Variants in SFI1 observed in about 807,000 individuals in gnomAD.
SFI1 encodes SFI1 centrin binding protein, also known as protein SFI1 homolog.
Under a neutral mutation model 207.5 loss-of-function variants are expected in SFI1, and 195 were observed. The observed-to-expected ratio is 0.94, with a 90% CI of 0.84 to 1.06. The LOEUF (loss-of-function observed/expected upper bound fraction) is 1.06. Among genes scored for constraint, SFI1 ranks in the 50% least tolerant of loss-of-function variants. The probability of loss-of-function intolerance (pLI) is 0.00; values close to 1 mark genes in which losing one functional copy is unlikely to be tolerated. For synonymous variants in SFI1, 630 were observed against 598.9 expected (o/e 1.05, Z -0.76); for missense variants, 1,634 against 1,588.0 (o/e 1.03, Z -0.49).
intron 26 of SFI1, 21 bp from the exon 27 acceptor site, chr22:31,613,581 T>G (rs773414671): frequency 1.5e-5 from 23 of 1,577,520 alleles, no homozygotes; most frequent in Non-Finnish European, 1.9e-5. Context: ...TGGCATGAGC[T>G]GACCAGAGGC....
In SFI1 at chr22:31,563,567, TC is replaced by T. The variant is rs2061948812; in HGVS notation, c.765+2179del. Among the ~76,000 whole-genome samples, 3 of 144,130 alleles carry T rather than the reference TC, an allele frequency of 2.1e-5. No homozygotes were observed. The South Asian group carries it at 7.0e-4, about 33-fold the overall frequency. 94.6% of individuals were successfully genotyped at this position (144,130 alleles called of 152,430 possible). A position where few individuals can be genotyped will look rare whatever the true frequency, so the allele number is the denominator to read the frequency against. ...CTGTTGCTCAGAACATGTTTAGAAT[TC>T]CCCTTTTCTTGTTTGTTGTTGTTTG... On this transcript the variant is annotated intron_variant, in intron 8 of 32. Transcript: ENST00000400288.
chr22:31,513,550 C>T (rs1174837603), intron 2 of SFI1, among the ~76,000 whole-genome samples: 1 of 78,544 alleles, frequency 1.3e-5, no homozygotes, highest in Non-Finnish European at 2.7e-5. Context: ...AATCCCAGCA[C>T]TTTGGTTTTT....
intron 15 of SFI1, among the ~76,000 whole-genome samples, chr22:31,595,288 G>A (rs895789400): frequency 6.6e-6 from 1 of 152,182 alleles, no homozygotes; most frequent in African/African-American, 2.4e-5. Context: ...GAGCCACCAC[G>A]CCCAGCCTGT....
intron 6 of SFI1, among the ~76,000 whole-genome samples, chr22:31,556,324 C>A (rs1037245665): frequency 6.6e-6 from 1 of 151,486 alleles, no homozygotes; most frequent in African/African-American, 2.4e-5. Context: ...CCAGGTTTAG[C>A]AATTCTCCTG....
In SFI1 at chr22:31,602,222, G is replaced by GA; in HGVS notation, c.1556dup (p.Lys520GlufsTer35). ...TTCCTTGTTTTTTAGGGAGACATTA[G>GA]AGAAGCAAGTATTTTCTCTCTGGAG... On this transcript the variant is annotated frameshift_variant, in exon 16 of 33. Transcript: ENST00000400288. LOFTEE classifies it high-confidence loss of function. 1.2e-6 allele frequency: 2 copies of GA among 1,613,994 alleles called. No homozygotes were observed. Among genetic ancestry groups the GA allele is most frequent in the Non-Finnish European group, 1.7e-6 (2 of 1,179,854 alleles).
At chr22:31,531,873 A>G (rs139497810) in intron 4 of SFI1, among the ~76,000 whole-genome samples, 1,717 of 150,156 alleles carry the variant, frequency 0.011, 9 homozygotes, top group Middle Eastern at 0.031. Context: ...AGCCTCGGCA[A>G]CAAGAGCGAA....
chr22:31,522,677 G>A (rs2057417004), intron 2 of SFI1, among the ~76,000 whole-genome samples: 1 of 151,762 alleles, frequency 6.6e-6, no homozygotes, highest in Non-Finnish European at 1.5e-5. Context: ...TTTCTTTTGA[G>A]ATGGAGTCTC....
Position 31,573,112 on chromosome 22 carries a change from GT to G in SFI1, c.822del (p.Val275SerfsTer4). 1 of 1,613,924 alleles carries G rather than the reference GT, an allele frequency of 6.2e-7. No individual in the cohort carries two copies. Among genetic ancestry groups the G allele is most frequent in the Non-Finnish European group, 8.5e-7 (1 of 1,179,978 alleles). ...LLYVQKEKQK[V>X]VSAVKHHQHW... ...GTATGTCCAGAAGGAGAAACAAAAGGTTGTCTCTGCAGTGAAACATCATCAG... is the reference window on the plus strand; with the variant it reads ...GTATGTCCAGAAGGAGAAACAAAAGGTGTCTCTGCAGTGAAACATCATCAG... On this transcript the variant is annotated frameshift_variant, in exon 9 of 33. Coordinates refer to ENST00000400288, the MANE Select transcript of SFI1 (RefSeq NM_001007467.3). LOFTEE classifies it high-confidence loss of function.
chr22:31,540,226 T>A (rs1042493652), intron 4 of SFI1, among the ~76,000 whole-genome samples: 7 of 151,188 alleles, frequency 4.6e-5, no homozygotes, highest in Non-Finnish European at 7.4e-5. Context: ...GGTAATTTTT[T>A]AATTTTTTAA....
chr22:31,505,645 G>A (rs1424467185), intron 1 of SFI1, among the ~76,000 whole-genome samples: 1 of 151,944 alleles, frequency 6.6e-6, no homozygotes, highest in East Asian at 1.9e-4. Context: ...GGCACTTTGG[G>A]AGGCTAAGGT....
chr22:31,613,483 A>G lies in SFI1; in HGVS notation c.2695A>G (p.Ser899Gly), dbSNP rs1315577144. Residue 899 changes from serine to glycine, a missense_variant, in exon 26 of 33, where the codon AGC becomes GGC. By Grantham distance (56) the Ser-to-Gly change is moderately conservative. Transcript: ENST00000400288. Reference protein sequence around the residue: ...GATRLLRFAASMKASRQQLQA... With the variant: ...GATRLLRFAAGMKASRQQLQA... ...CACGCGGCTCCTGCGCTTTGCAGCC[A>G]GCATGAAGGCCTCCCGGCAGCAGCT... is the stretch of plus-strand genomic sequence containing the variant. 1 of 1,599,226 alleles carries G rather than the reference A, an allele frequency of 6.3e-7. No homozygotes were observed. Among genetic ancestry groups the G allele is most frequent in the Non-Finnish European group, 8.5e-7 (1 of 1,176,810 alleles).
At chr22:31,618,008 C>A (rs1177306544) in intron 31 of SFI1, 107 bp from the exon 32 acceptor site, 2 of 1,292,826 alleles carry the variant, frequency 1.5e-6, no homozygotes, top group Non-Finnish European at 2.1e-6. Flanking sequence ...GACCACCTCT[C>A]TCCACCCGAT....
intron 14 of SFI1, among the ~76,000 whole-genome samples, chr22:31,588,611 A>G (rs1157245870): frequency 2.0e-5 from 3 of 152,224 alleles, no homozygotes; most frequent in Non-Finnish European, 2.9e-5. Flanking sequence ...TCAAGAGATC[A>G]AGACCATTCT....
chr22:31,588,504 G>C (rs2065332465), intron 14 of SFI1, among the ~76,000 whole-genome samples: 2 of 152,144 alleles, frequency 1.3e-5, no homozygotes, highest in Admixed American at 1.3e-4. Context: ...ATAATTTGCA[G>C]CCATGTTTTT....
rs369414972 is a variant in SFI1 at position 31,583,982 on chromosome 22, C to G, written c.1346+10C>G. The G allele has an allele frequency of 2.1e-5, 34 of 1,608,892 alleles. No homozygotes were observed. The highest frequency in any genetic ancestry group is 2.7e-5 in the Non-Finnish European group (32 of 1,175,538). Reference sequence around the variant, plus strand: ...CCTGGGACCACTACAGGTAGGGACTCTGGTTTCATCCCTGGCTCTCAGGGA... The same window carrying G: ...CCTGGGACCACTACAGGTAGGGACTGTGGTTTCATCCCTGGCTCTCAGGGA... On this transcript the variant is annotated intron_variant, in intron 13 of 32. Coordinates refer to ENST00000400288, the MANE Select transcript of SFI1 (RefSeq NM_001007467.3).
intron 4 of SFI1, among the ~76,000 whole-genome samples, chr22:31,545,365 CA>C (rs566137983): frequency 7.4e-5 from 10 of 135,422 alleles, no homozygotes; most frequent in Admixed American, 1.5e-4. Flanking sequence ...AACTCCGTCT[CA>C]AAAAAAAAAG....
intron 24 of SFI1, 175 bp downstream of exon 24, chr22:31,612,015 C>G: frequency 1.4e-6 from 2 of 1,409,006 alleles, no homozygotes; most frequent in Non-Finnish European, 1.9e-6. Context: ...CAGCTTCCTT[C>G]CGTCTGCAGT....
chr22:31,559,748 G>A (rs1342942292), intron 7 of SFI1: 6 of 822,912 alleles, frequency 7.3e-6, no homozygotes, highest in Non-Finnish European at 1.0e-5. Flanking sequence ...ACGGAAGGAT[G>A]TAAAGGATGG....
intron 10 of SFI1, among the ~76,000 whole-genome samples, chr22:31,576,045 G>A (rs1021111537): frequency 2.0e-5 from 3 of 147,746 alleles, no homozygotes; most frequent in Non-Finnish European, 4.5e-5. Flanking sequence ...TTTTTTTTGA[G>A]ATGGACTCTT....
Sources: allele counts gnomAD v4.1 joint callset (sites outside exome capture counted in the v4.1 genomes callset), GRCh38; gene constraint gnomAD v4.1.1; transcripts MANE v1.5; gene names NCBI Gene and HGNC (gene_info 2026-07-23, HGNC 2026-07-21).